SFMBT2: variants seen among roughly 807,000 people sequenced by gnomAD.
SFMBT2 encodes the protein scm-like with four MBT domains protein 2.
Under a neutral mutation model 110.1 loss-of-function variants are expected in SFMBT2, and 38 were observed. The ratio of observed to expected loss-of-function variants is 0.35; its 90% CI spans 0.27 to 0.45. SFMBT2 has a LOEUF of 0.45. SFMBT2 is among the 20% of genes least tolerant of loss of function. The pLI, the probability that SFMBT2 is intolerant of heterozygous loss-of-function variation, is 1.00. For missense variants in SFMBT2, 1,011 were observed against 1,094.9 expected (o/e 0.92, Z 1.08); for synonymous variants, 425 against 425.4 (o/e 1.00, Z 0.01).
intron 17 of SFMBT2, 74 bp downstream of exon 17, chr10:7,175,916 C>T: frequency 7.1e-7 from 1 of 1,411,652 alleles, no homozygotes; most frequent in Non-Finnish European, 9.6e-7. Context: ...GCAAATGAAA[C>T]AAAAACCAAA....
intron 4 of SFMBT2, among the ~76,000 whole-genome samples, chr10:7,357,807 C>T (rs191171917): frequency 6.8e-4 from 104 of 152,324 alleles, no homozygotes; most frequent in Non-Finnish European, 1.3e-4. Flanking sequence ...CCCTGAGAGC[C>T]AGGCTCAAAA....
At chr10:7,273,028 C>A (rs979746856) in intron 7 of SFMBT2, among the ~76,000 whole-genome samples, 3 of 152,304 alleles carry the variant, frequency 2.0e-5, no homozygotes, top group East Asian at 1.9e-4. Flanking sequence ...CTCCTGACCT[C>A]AAATGATCTG....
At chr10:7,325,453 A>T (rs1461571233) in intron 4 of SFMBT2, among the ~76,000 whole-genome samples, 1 of 152,188 alleles carries the variant, frequency 6.6e-6, no homozygotes, top group African/African-American at 2.4e-5. Context: ...CTGCTTAGTC[A>T]TCACCTCTGT....
At chr10:7,390,571 A>C (rs1207967889) in intron 1 of SFMBT2, among the ~76,000 whole-genome samples, 1 of 152,240 alleles carries the variant, frequency 6.6e-6, no homozygotes, top group African/African-American at 2.4e-5. Context: ...AATTCAGGAA[A>C]ATCATTCCGC....
intron 3 of SFMBT2, among the ~76,000 whole-genome samples, chr10:7,369,445 T>G (rs1845002261): frequency 6.6e-6 from 1 of 152,212 alleles, no homozygotes; most frequent in African/African-American, 2.4e-5. Context: ...ACCAGTATCT[T>G]ACACCAAAGC....
At chr10:7,314,845 T>C (rs1260994591) in intron 4 of SFMBT2, among the ~76,000 whole-genome samples, 1 of 150,730 alleles carries the variant, frequency 6.6e-6, no homozygotes, top group Non-Finnish European at 1.5e-5. Flanking sequence ...GAGGCAGAGG[T>C]TGCAGTGAGC....
At chr10:7,374,843 G>A (rs1052884964) in intron 2 of SFMBT2, among the ~76,000 whole-genome samples, 6 of 152,120 alleles carry the variant, frequency 3.9e-5, no homozygotes, top group Non-Finnish European at 8.8e-5. Flanking sequence ...TTTTAAAATG[G>A]GTCACGTACA....
At chr10:7,327,388 C>A (rs1843420904) in intron 4 of SFMBT2, among the ~76,000 whole-genome samples, 1 of 152,084 alleles carries the variant, frequency 6.6e-6, no homozygotes, top group East Asian at 1.9e-4. Flanking sequence ...TCCACCTCAA[C>A]CCCCGGGGCA....
Position 7,180,811 on chromosome 10 carries a change from G to A in SFMBT2, c.1809-4646C>T, listed in dbSNP as rs181746120. Among the ~76,000 whole-genome samples, 1,030 of 152,252 alleles carry A rather than the reference G, an allele frequency of 6.8e-3. 14 individuals carry two copies. The highest frequency in any genetic ancestry group is 0.024 in the African/African-American group (985 of 41,544). On this transcript the variant is annotated intron_variant, in intron 16 of 20. Transcript: ENST00000397167. ...TACTGGAGAGACGCTGGGGCCTGAC[G>A]AAATAAATACATACTCCAAAGGTGG...
intron 16 of SFMBT2, among the ~76,000 whole-genome samples, chr10:7,185,653 A>G (rs1349375494): frequency 6.6e-6 from 1 of 152,248 alleles, no homozygotes; most frequent in Non-Finnish European, 1.5e-5. Context: ...AATATTCTGA[A>G]TAACTATAAC....
At chr10:7,295,804 T>G (rs1842392357) in intron 4 of SFMBT2, among the ~76,000 whole-genome samples, 1 of 152,206 alleles carries the variant, frequency 6.6e-6, no homozygotes. Flanking sequence ...TCTGGAGTTC[T>G]CTGCTGTATG....
intron 15 of SFMBT2, among the ~76,000 whole-genome samples, chr10:7,192,462 T>G (rs1838629715): frequency 6.6e-6 from 1 of 152,178 alleles, no homozygotes; most frequent in Admixed American, 6.5e-5. Context: ...CAGCCGACTT[T>G]CAGGATTCCG....
chr10:7,185,325 C>T (rs1307720541), intron 16 of SFMBT2, among the ~76,000 whole-genome samples: 3 of 152,170 alleles, frequency 2.0e-5, no homozygotes, highest in Non-Finnish European at 4.4e-5. Context: ...ACAAAATTAA[C>T]AAATGAACAA....
chr10:7,185,503 G>GA (rs774104673), intron 16 of SFMBT2, among the ~76,000 whole-genome samples: 115 of 152,006 alleles, frequency 7.6e-4, no homozygotes, highest in Non-Finnish European at 8.8e-5. Context: ...CACTGCTTAT[G>GA]AAAAAAAAGA....
rs189164711 is a variant in SFMBT2 at position 7,192,154 on chromosome 10, A to T, written c.1699-3421T>A. On this transcript the variant is annotated intron_variant, in intron 15 of 20. Transcript: ENST00000397167. Reference sequence around the variant, plus strand: ...CCCGTAAGCCTGGCACATTATTCTTAGTGGGTTAACTAATGTTCAGCATAA... The same window carrying T: ...CCCGTAAGCCTGGCACATTATTCTTTGTGGGTTAACTAATGTTCAGCATAA... Among the ~76,000 whole-genome samples the T allele has an allele frequency of 3.9e-3, 588 of 152,264 alleles. 4 individuals are homozygous for T. Among genetic ancestry groups the T allele is most frequent in the Admixed American group, 4.5e-3 (69 of 15,296 alleles).
intron 16 of SFMBT2, chr10:7,176,455 G>A (rs1312450505): frequency 1.0e-6 from 1 of 983,496 alleles, no homozygotes; most frequent in Non-Finnish European, 1.2e-6. Context: ...AAGATGAGCG[G>A]TGCGGGATAC....
At chr10:7,167,876 A>G (rs865939211) in intron 20 of SFMBT2, among the ~76,000 whole-genome samples, 1 of 152,148 alleles carries the variant, frequency 6.6e-6, no homozygotes, top group African/African-American at 2.4e-5. Context: ...GCTTTTACTA[A>G]TATTAGAAGA....
chr10:7,259,618 G>A (rs1198514115), intron 7 of SFMBT2, among the ~76,000 whole-genome samples: 1 of 152,230 alleles, frequency 6.6e-6, no homozygotes, highest in East Asian at 1.9e-4. Flanking sequence ...TGGCCCCTGA[G>A]TTGAGGACCA....
intron 4 of SFMBT2, among the ~76,000 whole-genome samples, chr10:7,349,440 C>CTTTCTTTTTTTTTTTTT (rs1844233488): frequency 2.1e-5 from 1 of 46,888 alleles, no homozygotes; most frequent in Admixed American, 4.1e-4. Flanking sequence ...CTTTTCTTTT[C>CTTTCTTTTTTTTTTTTT]TTTTTTTTTT....
Sources: allele counts gnomAD v4.1 joint callset (sites outside exome capture counted in the v4.1 genomes callset), GRCh38; gene constraint gnomAD v4.1.1; transcripts MANE v1.5; gene names NCBI Gene and HGNC (gene_info 2026-07-23, HGNC 2026-07-21).